Variants in ARHGAP15 observed in about 807,000 individuals in gnomAD.
The protein encoded by ARHGAP15 is rho GTPase-activating protein 15.
In ARHGAP15, 51 loss-of-function variants were observed where a neutral mutation model predicts 63.7. That is an observed-to-expected ratio of 0.80 (90% CI 0.64 to 1.01). ARHGAP15 has a LOEUF of 1.01. Among genes scored for constraint, ARHGAP15 ranks in the 50% least tolerant of loss-of-function variants. The pLI, the probability that ARHGAP15 is intolerant of heterozygous loss-of-function variation, is 0.00. For synonymous variants in ARHGAP15, 191 were observed against 193.8 expected (o/e 0.99, Z 0.12); for missense variants, 560 against 564.6 (o/e 0.99, Z 0.08).
intron 11 of ARHGAP15, chr2:143,608,306 C>T (rs887349183): frequency 3.9e-5 from 6 of 152,142 alleles, no homozygotes; most frequent in Admixed American, 2.0e-4. Flanking sequence ...CTGGGAGACT[C>T]GTGCTCTGTA....
intron 12 of ARHGAP15, among the ~76,000 whole-genome samples, chr2:143,675,678 A>G (rs902445562): frequency 6.6e-6 from 1 of 152,212 alleles, no homozygotes; most frequent in Non-Finnish European, 1.5e-5. Flanking sequence ...AGAGGGCTTC[A>G]ACATTCTGTA....
At chr2:143,598,298 G>A (rs1475883240) in intron 11 of ARHGAP15, among the ~76,000 whole-genome samples, 1 of 152,166 alleles carries the variant, frequency 6.6e-6, no homozygotes, top group Admixed American at 6.5e-5. Flanking sequence ...TCTAGATACG[G>A]ATCAAATCTT....
intron 5 of ARHGAP15, among the ~76,000 whole-genome samples, chr2:143,232,641 T>C (rs914691162): frequency 1.3e-5 from 2 of 152,178 alleles, no homozygotes; most frequent in African/African-American, 4.8e-5. Context: ...CTGCCAGCCC[T>C]TCAGAAGCCC....
chr2:143,554,395 A>C (rs374895498), intron 10 of ARHGAP15, among the ~76,000 whole-genome samples: 153 of 152,206 alleles, frequency 1.0e-3, no homozygotes, highest in African/African-American at 3.5e-3. Flanking sequence ...AACTCTCTCC[A>C]AAACCCCCAA....
At chr2:143,576,912 C>G (rs1696701975) in intron 11 of ARHGAP15, among the ~76,000 whole-genome samples, 1 of 152,116 alleles carries the variant, frequency 6.6e-6, no homozygotes. Context: ...AATGTCCCAG[C>G]CCAATTAATG....
At chr2:143,539,675 T>C (rs1694952492) in intron 10 of ARHGAP15, among the ~76,000 whole-genome samples, 1 of 152,178 alleles carries the variant, frequency 6.6e-6, no homozygotes. Flanking sequence ...TCAGTTTCCA[T>C]GTAGTTGAGC....
chr2:143,218,647 C>T (rs1692866383), intron 4 of ARHGAP15, among the ~76,000 whole-genome samples: 1 of 152,114 alleles, frequency 6.6e-6, no homozygotes, highest in Non-Finnish European at 1.5e-5. Context: ...TCTTGGGCAG[C>T]TTTCTATGGT....
At chr2:143,740,079 C>T (rs554263991) in intron 13 of ARHGAP15, among the ~76,000 whole-genome samples, 20 of 151,950 alleles carry the variant, frequency 1.3e-4, no homozygotes, top group East Asian at 9.7e-4. Context: ...ATTATGTTTC[C>T]ACAACCAAAA....
chr2:143,482,594 A>T (rs79976350), intron 8 of ARHGAP15, among the ~76,000 whole-genome samples: 2,640 of 152,290 alleles, frequency 0.017, 80 homozygotes, highest in African/African-American at 0.061. Context: ...TTAATTGGTT[A>T]TGTTGTATTT....
At chr2:143,320,465 G>A (rs1378521941) in intron 6 of ARHGAP15, among the ~76,000 whole-genome samples, 1 of 126,350 alleles carries the variant, frequency 7.9e-6, no homozygotes, top group Non-Finnish European at 1.5e-5. Context: ...CATTCACCCA[G>A]GGCCCAGAAA....
intron 12 of ARHGAP15, among the ~76,000 whole-genome samples, chr2:143,642,497 C>T (rs1207677662): frequency 2.0e-5 from 3 of 152,056 alleles, no homozygotes; most frequent in Non-Finnish European, 4.4e-5. Context: ...CATTTGGGAA[C>T]CATTGATTTT....
intron 9 of ARHGAP15, among the ~76,000 whole-genome samples, chr2:143,509,346 AT>A (rs1282320536): frequency 1.3e-5 from 2 of 151,938 alleles, no homozygotes; most frequent in Non-Finnish European, 1.5e-5. Flanking sequence ...AAAAAAAAAA[AT>A]AAGTAAACAA....
chr2:143,526,738 G>C (rs754995619), intron 10 of ARHGAP15, among the ~76,000 whole-genome samples: 22 of 152,158 alleles, frequency 1.4e-4, no homozygotes, highest in Non-Finnish European at 1.2e-4. Context: ...CATTTGGAAA[G>C]CTTTCAGGTT....
chr2:143,366,626 C>A (rs1490142525), intron 6 of ARHGAP15, among the ~76,000 whole-genome samples: 1 of 151,902 alleles, frequency 6.6e-6, no homozygotes, highest in African/African-American at 2.4e-5. Context: ...TGATTAATGC[C>A]TTCTAGACTA....
At chr2:143,263,958 A>G (rs1268720178) in intron 6 of ARHGAP15, among the ~76,000 whole-genome samples, 1 of 112,624 alleles carries the variant, frequency 8.9e-6, no homozygotes, top group African/African-American at 3.4e-5. Context: ...TCACCAACAT[A>G]CTGAGCTAAC....
intron 6 of ARHGAP15, among the ~76,000 whole-genome samples, chr2:143,408,017 A>G (rs749285399): frequency 0.026 from 2,617 of 101,560 alleles, 159 homozygotes; most frequent in Admixed American, 0.04. Context: ...ATATATATAT[A>G]TATATATATA....
chr2:143,489,777 T>G (rs768911110), intron 9 of ARHGAP15, among the ~76,000 whole-genome samples: 3 of 152,216 alleles, frequency 2.0e-5, no homozygotes, highest in Non-Finnish European at 2.9e-5. Flanking sequence ...AAGAATTATT[T>G]AGAAAGAGGA....
intron 10 of ARHGAP15, among the ~76,000 whole-genome samples, chr2:143,548,553 T>G (rs1160847391): frequency 1.3e-5 from 2 of 151,964 alleles, no homozygotes; most frequent in African/African-American, 2.4e-5. Flanking sequence ...CTCTTTTTAG[T>G]CTAACATTAA....
intron 13 of ARHGAP15, among the ~76,000 whole-genome samples, chr2:143,759,908 C>A (rs1208860466): frequency 6.6e-6 from 1 of 152,116 alleles, no homozygotes; most frequent in Non-Finnish European, 1.5e-5. Context: ...GATTCCAAGC[C>A]ATCAGGGTTT....
Sources: allele counts gnomAD v4.1 joint callset (sites outside exome capture counted in the v4.1 genomes callset), GRCh38; gene constraint gnomAD v4.1.1; transcripts MANE v1.5; gene names NCBI Gene and HGNC (gene_info 2026-07-23, HGNC 2026-07-21).